The following RDH13 variants were observed in gnomAD, a reference collection of about 807,000 sequenced individuals.
The protein encoded by RDH13 is retinol dehydrogenase 13.
Under a neutral mutation model 28.3 loss-of-function variants are expected in RDH13, and 35 were observed. That is an observed-to-expected ratio of 1.24 (90% CI 0.95 to 1.64). The LOEUF (loss-of-function observed/expected upper bound fraction) is 1.64, where lower values mean the gene tolerates loss of function less well. Among genes scored for constraint, RDH13 ranks in the 40% most tolerant of loss-of-function variants. The pLI, the probability that RDH13 is intolerant of heterozygous loss-of-function variation, is 0.00. For synonymous variants in RDH13, 229 were observed against 198.5 expected, an observed-to-expected ratio of 1.15 and a Z score of -1.29; for missense variants, 514 against 446.3, an observed-to-expected ratio of 1.15 and a Z score of -1.37.
chr19:55,049,157 T>A (rs1157939887), intron 3 of RDH13, among the ~76,000 whole-genome samples: 1 of 152,128 alleles, frequency 6.6e-6, no homozygotes, highest in African/African-American at 2.4e-5. Context: ...CGTGAGGGAA[T>A]GCACGTCTGA....
At chr19:55,047,982 T>G in intron 5 of RDH13, 1 of 1,208,542 alleles carries the variant, frequency 8.3e-7, no homozygotes, top group Non-Finnish European at 1.1e-6. Context: ...CCAAGCCAGC[T>G]GTGATCACTG....
At position 55,047,198 on chromosome 19, in the gene RDH13, G is replaced by C. The variant is rs115818785; in HGVS notation, c.760+189C>G. ...GCCAGCAGGGCTCTGCCTGCTTCCCGGGGCTGTTAGAGGCTGGCAGGCCAG... is the reference window on the plus strand; with the variant it reads ...GCCAGCAGGGCTCTGCCTGCTTCCCCGGGCTGTTAGAGGCTGGCAGGCCAG... On this transcript the variant is annotated intron_variant, in intron 6 of 6. Coordinates refer to ENST00000415061, the MANE Select transcript of RDH13 (RefSeq NM_001145971.2). The C allele has an allele frequency of 2.1e-6, 3 of 1,404,276 alleles. No homozygotes were observed. The Admixed American group carries it at 8.9e-5, about 42-fold the overall frequency. 87.0% of individuals were successfully genotyped at this position (1,404,276 alleles called of 1,614,324 possible). A position where few individuals can be genotyped will look rare whatever the true frequency, so the allele number is the denominator to read the frequency against.
At position 55,056,716 on chromosome 19, in the gene RDH13, C is replaced by T. The variant is rs12608979; in HGVS notation, c.277G>A (p.Ala93Thr). ...RGETLNHHVN[A>T]RHLDLASLKS... ...AGGGAAGCCAAGTCCAGGTGCCGGG[C>T]GTTGACATGGTGATTGAGGGTCTCC... Residue 93 changes from alanine to threonine, a missense_variant, in exon 3 of 7, where the codon GCC (alanine) becomes ACC (threonine). Transcript: ENST00000415061. 125,760 of 1,613,610 alleles carry T rather than the reference C, an allele frequency of 0.078. 5,669 individuals are homozygous for T. Among genetic ancestry groups the T allele is most frequent in the East Asian group, 0.2 (8,808 of 44,844 alleles).
At chr19:55,064,932 G>C (rs2075932385), upstream of RDH13, among the ~76,000 whole-genome samples, 1 of 145,688 alleles carries the variant, frequency 6.9e-6, no homozygotes, top group Non-Finnish European at 1.5e-5. Context: ...TTTTTTAATA[G>C]ATACAGAGTT....
chr19:55,054,418 ACC>A (rs1288738011), intron 3 of RDH13, among the ~76,000 whole-genome samples: 1 of 151,968 alleles, frequency 6.6e-6, no homozygotes, highest in Non-Finnish European at 1.5e-5. Flanking sequence ...ACATAGTGAA[ACC>A]CCGTCTCTAC....
upstream of RDH13, among the ~76,000 whole-genome samples, chr19:55,068,056 T>G (rs1213534116): frequency 2.8e-5 from 4 of 142,838 alleles, no homozygotes; most frequent in Non-Finnish European, 6.1e-5. Context: ...TCTCTCTCTT[T>G]CTCCCCCATC....
chr19:55,047,052 G>A, intron 6 of RDH13: 1 of 1,039,822 alleles, frequency 9.6e-7, no homozygotes, highest in Non-Finnish European at 1.3e-6. Flanking sequence ...GCTCAGAGGG[G>A]TAACAGCTCT....
intron 6 of RDH13, among the ~76,000 whole-genome samples, chr19:55,045,665 G>A (rs1435431674): frequency 1.3e-5 from 2 of 151,986 alleles, no homozygotes; most frequent in African/African-American, 4.8e-5. Context: ...TCTTTTTTTG[G>A]CCAGGCGAGG....
At chr19:55,047,608 A>G in intron 5 of RDH13, 120 bp from the exon 6 acceptor site, 4 of 1,436,814 alleles carry the variant, frequency 2.8e-6, no homozygotes, top group East Asian at 2.5e-5. Context: ...CTCAAACCCC[A>G]TCGTCCCTCT....
chr19:55,050,180 G>T (rs1035655634), intron 3 of RDH13, among the ~76,000 whole-genome samples: 1 of 150,922 alleles, frequency 6.6e-6, no homozygotes, highest in African/African-American at 2.4e-5. Flanking sequence ...GCAATGGTGC[G>T]ATCTTGGCTC....
At chr19:55,052,161 G>A (rs1340049003) in intron 3 of RDH13, among the ~76,000 whole-genome samples, 1 of 144,306 alleles carries the variant, frequency 6.9e-6, no homozygotes, top group Non-Finnish European at 1.5e-5. Context: ...GCTCACATCT[G>A]TAATCCCAGC....
chr19:55,055,501 AAC>A (rs1446661439), intron 3 of RDH13, among the ~76,000 whole-genome samples: 7 of 152,154 alleles, frequency 4.6e-5, no homozygotes, highest in African/African-American at 1.7e-4. Flanking sequence ...TCCCATAACA[AAC>A]ACATATTTCT....
At chr19:55,043,473 CAGG>C (rs1371166684), downstream of RDH13, among the ~76,000 whole-genome samples, 3 of 151,666 alleles carry the variant, frequency 2.0e-5, no homozygotes, top group Non-Finnish European at 4.4e-5. Flanking sequence ...CACCTGAGGT[CAGG>C]AGTTCAAGAT....
Position 55,045,453 on chromosome 19 carries a change from G to A in RDH13, c.761-144C>T, listed in dbSNP as rs565034588. 1.2e-4 allele frequency: 72 copies of A among 624,248 alleles called. No homozygotes were observed. The African/African-American group carries it at 1.3e-3, about 11-fold the overall frequency. 38.7% of individuals were successfully genotyped at this position (624,248 alleles called of 1,614,324 possible). ...TTCCCCTTGGCTGCCTCCATCTGCA[G>A]TTCCCTTCCCTGGCACTGCCCAGGC... is the stretch of plus-strand genomic sequence containing the variant. On this transcript the variant is annotated intron_variant, in intron 6 of 6. Coordinates refer to ENST00000415061, the MANE Select transcript of RDH13 (RefSeq NM_001145971.2).
chr19:55,059,590 G>C (rs374052797), intron 1 of RDH13, among the ~76,000 whole-genome samples: 1 of 148,440 alleles, frequency 6.7e-6, no homozygotes, highest in African/African-American at 2.6e-5. Context: ...TGGGGGTGGG[G>C]GGGGGCGGGG....
chr19:55,065,812 G>A (rs1224109317), upstream of RDH13, among the ~76,000 whole-genome samples: 1 of 152,164 alleles, frequency 6.6e-6, no homozygotes, highest in Non-Finnish European at 1.5e-5. Flanking sequence ...CTGCCTCCTG[G>A]GTTCAAGCGA....
At chr19:55,048,157 A>C in intron 5 of RDH13, 172 bp downstream of exon 5, 1 of 1,534,718 alleles carries the variant, frequency 6.5e-7, no homozygotes, top group Non-Finnish European at 8.7e-7. Flanking sequence ...AGAACGATCG[A>C]TTAGTGATGT....
intron 3 of RDH13, among the ~76,000 whole-genome samples, chr19:55,052,706 G>A (rs1489759824): frequency 1.3e-5 from 2 of 150,838 alleles, no homozygotes; most frequent in Non-Finnish European, 3.0e-5. Flanking sequence ...CTGTCACCCA[G>A]GCTGGAGTGC....
downstream of RDH13, among the ~76,000 whole-genome samples, chr19:55,040,109 T>C (rs1286121177): frequency 2.0e-5 from 3 of 152,198 alleles, no homozygotes; most frequent in East Asian, 5.8e-4. Context: ...ATAGTGGTGA[T>C]GGTTACACAA....
Sources: gnomAD v4.1 joint callset for allele counts (sites outside exome capture counted in the v4.1 genomes callset) on GRCh38, gnomAD v4.1.1 for gene constraint, MANE v1.5 for transcripts, NCBI Gene and HGNC (gene_info 2026-07-23, HGNC 2026-07-21) for gene names.